The following GABBR2 variants were observed in gnomAD, a reference collection of about 807,000 sequenced individuals.
GABBR2 encodes the protein G-protein coupled receptor 51.
Under a neutral mutation model 105.6 loss-of-function variants are expected in GABBR2, and 23 were observed. That is an observed-to-expected ratio of 0.22 (90% CI 0.16 to 0.31). The LOEUF is 0.31. Among genes scored for constraint, GABBR2 ranks in the 10% least tolerant of loss-of-function variants. The pLI is 1.00. For synonymous variants in GABBR2, 478 were observed against 499.7 expected (o/e 0.96, Z 0.58); for missense variants, 734 against 1,245.5 (o/e 0.59, Z 6.18).
intron 10 of GABBR2, among the ~76,000 whole-genome samples, chr9:98,386,806 G>A (rs1832080577): frequency 6.6e-6 from 1 of 152,186 alleles, no homozygotes; most frequent in African/African-American, 2.4e-5. Flanking sequence ...TACGTCAAAG[G>A]GAGAGGGAAA....
At chr9:98,308,998 C>G (rs1830595253) in intron 14 of GABBR2, among the ~76,000 whole-genome samples, 2 of 152,178 alleles carry the variant, frequency 1.3e-5, no homozygotes, top group South Asian at 4.1e-4. Flanking sequence ...GGGGCCAAAA[C>G]ATCTGGCAGT....
intron 3 of GABBR2, among the ~76,000 whole-genome samples, chr9:98,525,815 A>G (rs763698949): frequency 6.6e-6 from 1 of 152,250 alleles, no homozygotes; most frequent in Non-Finnish European, 1.5e-5. Context: ...ACAAATTGGA[A>G]TATTATTTGT....
intron 1 of GABBR2, among the ~76,000 whole-genome samples, chr9:98,636,219 C>T (rs1047059244): frequency 7.9e-5 from 12 of 152,118 alleles, no homozygotes; most frequent in African/African-American, 2.7e-4. Flanking sequence ...TCAAAGTACC[C>T]GGCAAAAATG....
rs1426953687 is a variant in GABBR2, at chr9:98,705,107, A to ACTT, written c.321+3307_321+3309dup. Among the ~76,000 whole-genome samples, 22 of 152,228 alleles carry ACTT rather than the reference A, an allele frequency of 1.4e-4. 1 individual carries two copies. Among genetic ancestry groups the ACTT allele is most frequent in the Non-Finnish European group, 2.9e-4 (20 of 68,036 alleles). ...TTTAGCCCAGGTTCTTGGTATAGTA[A>ACTT]CTTCTATGCTTCTACATAGTTTCTG... On this transcript the variant is annotated intron_variant, in intron 1 of 18. Coordinates refer to ENST00000259455, the MANE Select transcript of GABBR2 (RefSeq NM_005458.8).
chr9:98,351,514 T>C (rs971519056), intron 13 of GABBR2, among the ~76,000 whole-genome samples: 1 of 152,248 alleles, frequency 6.6e-6, no homozygotes. Flanking sequence ...GGTCTAGTGA[T>C]GATGAATTTC....
intron 16 of GABBR2, among the ~76,000 whole-genome samples, chr9:98,300,365 G>A (rs1830449475): frequency 6.6e-6 from 1 of 152,014 alleles, no homozygotes; most frequent in African/African-American, 2.4e-5. Context: ...GGCCGGTCTT[G>A]AACTCCTGGG....
At chr9:98,348,664 A>G (rs1831340936) in intron 13 of GABBR2, among the ~76,000 whole-genome samples, 1 of 152,074 alleles carries the variant, frequency 6.6e-6, no homozygotes, top group South Asian at 2.1e-4. Context: ...TGGTCAATTT[A>G]TTCCTAGACA....
chr9:98,575,385 A>C (rs1234566610), intron 2 of GABBR2, among the ~76,000 whole-genome samples: 1 of 152,156 alleles, frequency 6.6e-6, no homozygotes, highest in Non-Finnish European at 1.5e-5. Context: ...AATGACAAGT[A>C]ATCAGGGGAC....
chr9:98,582,209 T>A (rs546085629), intron 1 of GABBR2, among the ~76,000 whole-genome samples: 1 of 152,220 alleles, frequency 6.6e-6, no homozygotes, highest in Admixed American at 6.5e-5. Context: ...TGTAGTCACA[T>A]AAGTCCTTAA....
intron 13 of GABBR2, among the ~76,000 whole-genome samples, chr9:98,318,132 G>C (rs1462484333): frequency 6.6e-6 from 1 of 152,222 alleles, no homozygotes; most frequent in Non-Finnish European, 1.5e-5. Context: ...TGATAAGCGA[G>C]AGGACAGCAT....
chr9:98,411,271 G>A (rs371924414), intron 7 of GABBR2, among the ~76,000 whole-genome samples: 4 of 152,190 alleles, frequency 2.6e-5, no homozygotes, highest in East Asian at 1.9e-4. Flanking sequence ...CTCCTTCAGC[G>A]AAATCTTCAG....
chr9:98,621,511 A>G (rs1322360149), intron 1 of GABBR2, among the ~76,000 whole-genome samples: 2 of 152,220 alleles, frequency 1.3e-5, no homozygotes, highest in African/African-American at 4.8e-5. Flanking sequence ...CACAGAGCGC[A>G]AAACAGAAAG....
At chr9:98,377,485 C>T (rs959920251) in intron 11 of GABBR2, among the ~76,000 whole-genome samples, 1 of 152,196 alleles carries the variant, frequency 6.6e-6, no homozygotes, top group Admixed American at 6.5e-5. Context: ...TACCCACTCC[C>T]CTAGGCCTGT....
At chr9:98,665,184 G>T (rs983745519) in intron 1 of GABBR2, among the ~76,000 whole-genome samples, 4 of 152,210 alleles carry the variant, frequency 2.6e-5, no homozygotes, top group Non-Finnish European at 4.4e-5. Flanking sequence ...TAGGAGGATC[G>T]CCTGAGCCTG....
At chr9:98,686,735 G>T (rs568382209) in intron 1 of GABBR2, among the ~76,000 whole-genome samples, 1 of 152,042 alleles carries the variant, frequency 6.6e-6, no homozygotes, top group Non-Finnish European at 1.5e-5. Context: ...GTCTGGCTCC[G>T]GTTTTCTTTA....
intron 1 of GABBR2, among the ~76,000 whole-genome samples, chr9:98,674,245 C>T (rs1283706270): frequency 6.6e-6 from 1 of 152,182 alleles, no homozygotes; most frequent in Non-Finnish European, 1.5e-5. Context: ...TGTCCAGTTG[C>T]TTGTTCTTAC....
intron 2 of GABBR2, among the ~76,000 whole-genome samples, chr9:98,575,942 T>C (rs1215913148): frequency 6.6e-6 from 1 of 152,162 alleles, no homozygotes; most frequent in East Asian, 1.9e-4. Context: ...CTCTCCCCCA[T>C]GTCTCCAGCT....
chr9:98,471,260 T>C (rs1249228593), intron 6 of GABBR2, among the ~76,000 whole-genome samples: 1 of 152,194 alleles, frequency 6.6e-6, no homozygotes, highest in African/African-American at 2.4e-5. Context: ...CCTGGACTTT[T>C]GGAAGCCACC....
intron 1 of GABBR2, chr9:98,606,813 T>G: frequency 3.0e-6 from 1 of 328,180 alleles, no homozygotes; most frequent in Non-Finnish European, 5.8e-6. Context: ...TTTCCTTTTT[T>G]AAAAAAAAAG....
Sources: gnomAD v4.1 joint callset for allele counts (sites outside exome capture counted in the v4.1 genomes callset) on GRCh38, gnomAD v4.1.1 for gene constraint, MANE v1.5 for transcripts, NCBI Gene and HGNC (gene_info 2026-07-23, HGNC 2026-07-21) for gene names.